BLTP1: variants seen among roughly 807,000 people sequenced by gnomAD.
The protein encoded by BLTP1 is fragile site-associated protein.
At chr4:122,231,623 A>G in the BLTP1 span, 1 of 953,482 alleles carries the variant, frequency 1.0e-6, no homozygotes, top group African/African-American at 1.8e-5. Context: ...CTAATTTGAG[A>G]AAGCCATTCT....
the BLTP1 span, chr4:122,198,213 C>G: frequency 2.1e-6 from 2 of 974,504 alleles, no homozygotes; most frequent in South Asian, 4.7e-5. Context: ...TATCTTTTCC[C>G]CATAACTCTG....
chr4:122,237,617 GAA>G, the BLTP1 span: 1 of 745,770 alleles, frequency 1.3e-6, no homozygotes, highest in East Asian at 1.3e-4. Context: ...TTAAAAAGAA[GAA>G]AAAAATTCAC....
chr4:122,286,728 A>G, the BLTP1 span: 4 of 1,613,956 alleles, frequency 2.5e-6, no homozygotes, highest in Admixed American at 1.7e-5. Flanking sequence ...GTATAGATGA[A>G]CTGCCTTCTA....
chr4:122,330,131 T>C, the BLTP1 span, among the ~76,000 whole-genome samples: 1 of 151,882 alleles, frequency 6.6e-6, no homozygotes, highest in African/African-American at 2.4e-5. Context: ...TGTCTGTCAA[T>C]GGACATTTTA....
chr4:122,301,475 T>G, the BLTP1 span: 1 of 715,286 alleles, frequency 1.4e-6, no homozygotes, highest in Middle Eastern at 4.1e-4. Context: ...AATTTGTATC[T>G]TACATAAATT....
the BLTP1 span, chr4:122,337,276 A>G: frequency 2.1e-5 from 9 of 426,412 alleles, no homozygotes; most frequent in Admixed American, 3.3e-4. Context: ...TCAGTAATGC[A>G]TTTAATACAC....
the BLTP1 span, chr4:122,189,056 G>A: frequency 1.0e-6 from 1 of 984,598 alleles, no homozygotes; most frequent in Non-Finnish European, 1.2e-6. Flanking sequence ...ATGTGTATGA[G>A]TGAAGGTATA....
chr4:122,238,296 A>C, the BLTP1 span: 1 of 1,614,156 alleles, frequency 6.2e-7, no homozygotes, highest in South Asian at 1.1e-5. Flanking sequence ...GCTGATGACC[A>C]TTTGGTTCAA....
chr4:122,306,605 C>G, the BLTP1 span: 2 of 978,960 alleles, frequency 2.0e-6, no homozygotes, highest in African/African-American at 3.5e-5. Context: ...ATGAAATTTA[C>G]TTTTATATCC....
chr4:122,155,323 G>GAT, the BLTP1 span, among the ~76,000 whole-genome samples: 1 of 149,566 alleles, frequency 6.7e-6, no homozygotes, highest in African/African-American at 2.5e-5. Flanking sequence ...GGGAAGCTAG[G>GAT]ATTTTTTTTT....
the BLTP1 span, chr4:122,324,367 G>A: frequency 1.1e-5 from 16 of 1,488,882 alleles, no homozygotes; most frequent in South Asian, 2.2e-4. Flanking sequence ...TCTTTTATTT[G>A]AAGTCAAATA....
chr4:122,219,347 A>C, the BLTP1 span: 1 of 1,612,906 alleles, frequency 6.2e-7, no homozygotes, highest in Non-Finnish European at 8.5e-7. Context: ...TAGGAAAACT[A>C]CTTTGGGGAA....
At chr4:122,208,151 G>C in the BLTP1 span, 11 of 960,270 alleles carry the variant, frequency 1.1e-5, no homozygotes, top group African/African-American at 1.8e-5. Context: ...TATAGAAACA[G>C]CTAACATCTA....
At chr4:122,251,728 C>G in the BLTP1 span, 1 of 414,940 alleles carries the variant, frequency 2.4e-6, no homozygotes, top group Non-Finnish European at 3.2e-6. Flanking sequence ...TCTTTGGGTT[C>G]TCTGACTTTA....
At chr4:122,358,766 G>A in the BLTP1 span, among the ~76,000 whole-genome samples, 1 of 152,074 alleles carries the variant, frequency 6.6e-6, no homozygotes, top group Non-Finnish European at 1.5e-5. Flanking sequence ...TCCAGTTTGT[G>A]TATTGAAACT....
chr4:122,306,058 C>T, the BLTP1 span: 1 of 1,596,820 alleles, frequency 6.3e-7, no homozygotes, highest in Non-Finnish European at 8.5e-7. Context: ...AAGATAAAGT[C>T]AATCACTACT....
At chr4:122,243,211 C>T in the BLTP1 span, 1 of 956,394 alleles carries the variant, frequency 1.0e-6, no homozygotes, top group Non-Finnish European at 1.5e-6. Context: ...CTTTTCTCTG[C>T]CATGGCTTTG....
the BLTP1 span, chr4:122,350,048 A>T: frequency 6.2e-7 from 1 of 1,613,788 alleles, no homozygotes; most frequent in Non-Finnish European, 8.5e-7. Context: ...ATGACTAGCA[A>T]CCTAGAAAAA....
the BLTP1 span, chr4:122,276,993 C>A: frequency 1.0e-6 from 1 of 981,694 alleles, no homozygotes; most frequent in Non-Finnish European, 1.2e-6. Flanking sequence ...TGTAAACTGG[C>A]CTGTAATTAA....
Sources: gnomAD v4.1 joint callset for allele counts (sites outside exome capture counted in the v4.1 genomes callset) on GRCh38, gnomAD v4.1.1 for gene constraint, MANE v1.5 for transcripts, NCBI Gene and HGNC (gene_info 2026-07-23, HGNC 2026-07-21) for gene names.